Variants in SMAP2 observed in about 807,000 individuals in gnomAD.
The protein encoded by SMAP2 is small ArfGAP2, also known as stromal membrane-associated protein 2.
SMAP2 carries 25 observed loss-of-function variants against 56.4 expected under a neutral mutation model. The ratio of observed to expected loss-of-function variants is 0.44; its 90% CI spans 0.32 to 0.62. The LOEUF (loss-of-function observed/expected upper bound fraction) is 0.62, where lower values mean the gene tolerates loss of function less well. Among genes scored for constraint, SMAP2 ranks in the 20% least tolerant of loss-of-function variants. The pLI is 0.04. For missense variants in SMAP2, 388 were observed against 545.6 expected, an observed-to-expected ratio of 0.71 and a Z score of 2.88; for synonymous variants, 157 against 181.7, an observed-to-expected ratio of 0.86 and a Z score of 1.09.
rs529737125 is a variant in SMAP2, at chr1:40,422,598, A to G, written c.*497A>G. The G allele has an allele frequency of 6.4e-6, 1 of 156,380 alleles. No individual in the cohort carries two copies. The highest frequency in any genetic ancestry group is 1.4e-5 in the Non-Finnish European group (1 of 70,130). The allele number at this position is 156,380 out of a possible 1,614,324, so 9.7% of individuals were successfully genotyped here. A position where few individuals can be genotyped will look rare whatever the true frequency, so the allele number is the denominator to read the frequency against. ...AGCAAGTACTGAAATCAAATTAAATACTCCCTGGGTCCTGGGTCAGTTTGA... is the reference window on the plus strand; with the variant it reads ...AGCAAGTACTGAAATCAAATTAAATGCTCCCTGGGTCCTGGGTCAGTTTGA... On this transcript the variant is annotated 3_prime_UTR_variant, in exon 10 of 10. Transcript: ENST00000372718.
At chr1:40,398,835 T>G (rs1448896467) in intron 1 of SMAP2, among the ~76,000 whole-genome samples, 1 of 152,212 alleles carries the variant, frequency 6.6e-6, no homozygotes, top group Non-Finnish European at 1.5e-5. Context: ...TAAGCAAATG[T>G]TGCTTCCCTG....
At chr1:40,349,290 C>G (rs1644400804) in intron 1 of SMAP2, among the ~76,000 whole-genome samples, 1 of 152,018 alleles carries the variant, frequency 6.6e-6, no homozygotes, top group South Asian at 2.1e-4. Context: ...AACGAAGGTA[C>G]CCCCTGTTGA....
chr1:40,350,002 G>C (rs1038573508), intron 1 of SMAP2, among the ~76,000 whole-genome samples: 4 of 152,164 alleles, frequency 2.6e-5, no homozygotes, highest in Non-Finnish European at 5.9e-5. Flanking sequence ...GTTGGCTAGG[G>C]AGACAGTACT....
chr1:40,384,498 C>G (rs1257141506), intron 1 of SMAP2, among the ~76,000 whole-genome samples: 1 of 152,178 alleles, frequency 6.6e-6, no homozygotes, highest in East Asian at 1.9e-4. Flanking sequence ...TTATATGAGA[C>G]AAGTTCAGCC....
At chr1:40,401,937 T>C (rs1447160031) in intron 1 of SMAP2, among the ~76,000 whole-genome samples, 1 of 152,174 alleles carries the variant, frequency 6.6e-6, no homozygotes. Flanking sequence ...GCAGAGTGAT[T>C]CTATGTTAGT....
intron 1 of SMAP2, chr1:40,396,825 G>GTA: frequency 1.0e-6 from 1 of 985,070 alleles, no homozygotes; most frequent in Non-Finnish European, 1.2e-6. Flanking sequence ...GATCCCACTG[G>GTA]TGTTTCTGTG....
At chr1:40,348,816 G>A (rs1644399311) in intron 1 of SMAP2, among the ~76,000 whole-genome samples, 1 of 152,066 alleles carries the variant, frequency 6.6e-6, no homozygotes. Context: ...TGTCGCCTAG[G>A]CTGGAGTATA....
At position 40,408,370 on chromosome 1, in the gene SMAP2, A is replaced by G. The variant is rs1005565167; in HGVS notation, c.238-283A>G. On this transcript the variant is annotated intron_variant, in intron 2 of 9. Coordinates refer to ENST00000372718, the MANE Select transcript of SMAP2 (RefSeq NM_022733.3). The surrounding 1 kb of genome is among the most constrained non-coding windows in gnomAD (Gnocchi z 4.3). Reference sequence around the variant, plus strand: ...GTAGCTGTGTATCTAAGAGTTTCAAATGAGATCTTGATTTATTACTGAATT... The same window carrying G: ...GTAGCTGTGTATCTAAGAGTTTCAAGTGAGATCTTGATTTATTACTGAATT... Among the ~76,000 whole-genome samples, 1 of 152,242 alleles carries G rather than the reference A, an allele frequency of 6.6e-6. No homozygotes were observed. Among genetic ancestry groups the G allele is most frequent in the Non-Finnish European group, 1.5e-5 (1 of 68,042 alleles).
intron 1 of SMAP2, among the ~76,000 whole-genome samples, chr1:40,376,845 T>G (rs1557828619): frequency 6.6e-6 from 1 of 152,244 alleles, no homozygotes; most frequent in Non-Finnish European, 1.5e-5. Flanking sequence ...AATATCCAGT[T>G]AGATGATGTG....
At chr1:40,420,444 C>G (rs1228952891) in intron 9 of SMAP2, among the ~76,000 whole-genome samples, 1 of 152,004 alleles carries the variant, frequency 6.6e-6, no homozygotes, top group Non-Finnish European at 1.5e-5. Context: ...AAAAACAAAA[C>G]AAAACCATGA....
intron 1 of SMAP2, among the ~76,000 whole-genome samples, chr1:40,390,298 C>T (rs1282602364): frequency 6.6e-6 from 1 of 152,192 alleles, no homozygotes; most frequent in Non-Finnish European, 1.5e-5. Context: ...CACTGATTTT[C>T]CATCTGTTTG....
chr1:40,349,228 G>A (rs734923), intron 1 of SMAP2, among the ~76,000 whole-genome samples: 2,591 of 152,170 alleles, frequency 0.017, 55 homozygotes, highest in African/African-American at 0.051. Context: ...GTTTTGTAAC[G>A]TTAATGATAA....
intron 9 of SMAP2, among the ~76,000 whole-genome samples, chr1:40,418,711 C>A (rs1349537929): frequency 6.6e-6 from 1 of 152,214 alleles, no homozygotes; most frequent in Admixed American, 6.5e-5. Context: ...TGACATCAGA[C>A]TTCCTAGCAG....
At chr1:40,380,693 C>A (rs12084826) in intron 1 of SMAP2, among the ~76,000 whole-genome samples, 1,718 of 152,108 alleles carry the variant, frequency 0.011, 26 homozygotes, top group African/African-American at 0.039. Context: ...CCACACCTGG[C>A]TAATATTTTG....
rs1477068652 is a variant in SMAP2 at position 40,385,910 on chromosome 1, AG to A, written c.103+11688del. ...TAGAAATGAGTTCTCTAGTGTTTCT[AG>A]TTTTGAGTTAAGGAAGTTTTGTCTT... On this transcript the variant is annotated intron_variant, in intron 1 of 9. Coordinates refer to ENST00000372718, the MANE Select transcript of SMAP2 (RefSeq NM_022733.3). This position sits in a 1 kb window ranked among gnomAD's most constrained non-coding sequence, Gnocchi z 4.5. Among the ~76,000 whole-genome samples, 11 of 152,188 alleles carry A rather than the reference AG, an allele frequency of 7.2e-5. No individual in the cohort carries two copies. Among genetic ancestry groups the A allele is most frequent in the Admixed American group, 2.0e-4 (3 of 15,282 alleles).
chr1:40,386,853 C>CG lies in SMAP2; in HGVS notation c.103+12630_103+12631insG, dbSNP rs777205556. ...GATGCTGAAGGTATTTTTCATAATT[C>CG]TTTTTTTTTTTTTTTTTTGGAGACA... On this transcript the variant is annotated intron_variant, in intron 1 of 9. Coordinates refer to ENST00000372718, the MANE Select transcript of SMAP2 (RefSeq NM_022733.3). This position sits in a 1 kb window ranked among gnomAD's most constrained non-coding sequence, Gnocchi z 4.1. 2.4e-5 allele frequency among the ~76,000 whole-genome samples: 3 copies of CG among 127,352 alleles called. No homozygotes were observed. In the East Asian group the frequency reaches 6.8e-4, roughly 29 times the overall value. 83.5% of individuals were successfully genotyped at this position (127,352 alleles called of 152,430 possible). A position where few individuals can be genotyped will look rare whatever the true frequency, so the allele number is the denominator to read the frequency against.
rs1409366379 is a variant in SMAP2 at position 40,393,463 on chromosome 1, A to C, written c.104-13273A>C. On this transcript the variant is annotated intron_variant, in intron 1 of 9. Transcript: ENST00000372718. ...AGATTTGCACAAAAAGATGTTTTGCAAATAGAGGAAATAGGCCCTGTAAAG... is the reference window on the plus strand; with the variant it reads ...AGATTTGCACAAAAAGATGTTTTGCCAATAGAGGAAATAGGCCCTGTAAAG... 4 of 1,535,576 alleles carry C rather than the reference A, an allele frequency of 2.6e-6. 1 individual carries two copies. The South Asian group carries it at 4.8e-5, about 18-fold the overall frequency.
In SMAP2 at chr1:40,358,324, C is replaced by T. The variant is rs559623590; in HGVS notation, c.-82-3976C>T. On this transcript the variant is annotated intron_variant, in intron 1 of 6. Transcript: ENST00000435168. ...TTGGGAGGCCAAAGTAGGTGGATTA[C>T]TTGAGGTCAGGAGATCGAGACCAGC... 3.8e-4 allele frequency among the ~76,000 whole-genome samples: 58 copies of T among 151,108 alleles called. 1 individual carries two copies. In the South Asian group the frequency reaches 0.013, roughly 33 times the overall value.
intron 1 of SMAP2, chr1:40,393,249 A>G: frequency 7.3e-7 from 1 of 1,368,702 alleles, no homozygotes; most frequent in Non-Finnish European, 9.7e-7. Flanking sequence ...TTGCTTGAGC[A>G]TAGGAGATTG....
Sources: allele counts gnomAD v4.1 joint callset (sites outside exome capture counted in the v4.1 genomes callset), GRCh38; gene constraint gnomAD v4.1.1; non-coding constraint Gnocchi (gnomAD v3.1); transcripts MANE v1.5; gene names NCBI Gene and HGNC (gene_info 2026-07-23, HGNC 2026-07-21).